ATP9A: variants seen among roughly 807,000 people sequenced by gnomAD.
ATP9A encodes the protein ATPase phospholipid transporting 9A.
A neutral mutation model predicts 144.1 loss-of-function variants in ATP9A; 52 were observed. That is an observed-to-expected ratio of 0.36 (90% CI 0.29 to 0.45). ATP9A has a LOEUF of 0.45. Among genes scored for constraint, ATP9A ranks in the 20% least tolerant of loss-of-function variants. The pLI, the probability that ATP9A is intolerant of heterozygous loss-of-function variation, is 1.00. For synonymous variants in ATP9A, 582 were observed against 557.4 expected (o/e 1.04, Z -0.62); for missense variants, 947 against 1,392.7 (o/e 0.68, Z 5.09).
At chr20:51,668,686 G>A (rs763405422) in intron 13 of ATP9A, among the ~76,000 whole-genome samples, 10 of 152,144 alleles carry the variant, frequency 6.6e-5, no homozygotes, top group Non-Finnish European at 1.3e-4. Flanking sequence ...TTTGAAAAAG[G>A]TCCATGGATC....
chr20:51,711,852 A>ATTTTTTTTTT (rs11469394), intron 4 of ATP9A, among the ~76,000 whole-genome samples: 1 of 120,922 alleles, frequency 8.3e-6, no homozygotes, highest in African/African-American at 3.1e-5. Context: ...TTCAATTTCA[A>ATTTTTTTTTT]TTTTTTTTTT....
chr20:51,645,979 A>G (rs925516768), intron 14 of ATP9A, among the ~76,000 whole-genome samples: 1 of 152,186 alleles, frequency 6.6e-6, no homozygotes, highest in Non-Finnish European at 1.5e-5. Flanking sequence ...AGAAAACACA[A>G]CCTCGTTAAG....
At chr20:51,644,652 CCAATA>C (rs1348786185) in intron 14 of ATP9A, among the ~76,000 whole-genome samples, 1 of 151,934 alleles carries the variant, frequency 6.6e-6, no homozygotes, top group Non-Finnish European at 1.5e-5. Context: ...AATAAACATC[CCAATA>C]CAATTCAAAT....
chr20:51,694,014 C>A lies in ATP9A; in HGVS notation c.636G>T (p.Thr212=). 1.9e-6 allele frequency: 3 copies of A among 1,613,060 alleles called. No individual in the cohort carries two copies. Among genetic ancestry groups the A allele is most frequent in the South Asian group, 1.1e-5 (1 of 90,990 alleles). The stretch of plus-strand genomic sequence containing the variant: ...TGCAGGGAAAGCTACTCACGGCGGC[C>A]GTGGGGAGCCTCTGCGTGCAGGCCA... ...LPVACTQRLP[T]AADLLQIRSY... Residue 212 remains threonine (T), a synonymous_variant, in exon 7 of 28, where the codon ACG becomes ACT. Transcript: ENST00000338821.
intron 14 of ATP9A, among the ~76,000 whole-genome samples, chr20:51,646,796 G>C (rs753238818): frequency 7.2e-5 from 11 of 151,998 alleles, no homozygotes; most frequent in Admixed American, 1.3e-4. Flanking sequence ...AGCCTGCTAG[G>C]AATCAGCGGA....
chr20:51,767,238 G>A (rs2077908770), intron 1 of ATP9A, among the ~76,000 whole-genome samples: 1 of 152,076 alleles, frequency 6.6e-6, no homozygotes, highest in South Asian at 2.1e-4. Flanking sequence ...GAGCAGAGCG[G>A]CCGCAGGCCC....
chr20:51,683,367 C>T (rs2077508638), intron 9 of ATP9A, among the ~76,000 whole-genome samples: 4 of 151,934 alleles, frequency 2.6e-5, no homozygotes, highest in Admixed American at 2.6e-4. Context: ...CAGGTTCAAA[C>T]GATTCTCCTG....
intron 13 of ATP9A, among the ~76,000 whole-genome samples, chr20:51,663,652 G>C (rs758152636): frequency 2.2e-4 from 33 of 152,098 alleles, no homozygotes; most frequent in Non-Finnish European, 4.3e-4. Context: ...AAATTAGCTG[G>C]GCATGGTGGT....
intron 2 of ATP9A, 111 bp downstream of exon 2, chr20:51,729,723 C>T (rs1024908907): frequency 4.4e-5 from 55 of 1,240,912 alleles, no homozygotes; most frequent in Non-Finnish European, 5.6e-5. Flanking sequence ...CCAGCCTGGG[C>T]GACAGAGTAA....
At chr20:51,718,746 C>A (rs1601124536) in intron 3 of ATP9A, among the ~76,000 whole-genome samples, 1 of 134,946 alleles carries the variant, frequency 7.4e-6, no homozygotes, top group Admixed American at 8.5e-5. Context: ...GCCTGGGAAG[C>A]GGAGGTTGCA....
chr20:51,744,039 A>T (rs556275969), intron 1 of ATP9A, among the ~76,000 whole-genome samples: 9 of 152,124 alleles, frequency 5.9e-5, no homozygotes, highest in Non-Finnish European at 1.3e-4. Context: ...CAGATGAAAA[A>T]GGAAAATATG....
At chr20:51,615,377 G>A (rs1220675165) in intron 22 of ATP9A, among the ~76,000 whole-genome samples, 1 of 152,150 alleles carries the variant, frequency 6.6e-6, no homozygotes, top group Non-Finnish European at 1.5e-5. Flanking sequence ...TGATGGCTCT[G>A]TATGCTCTCA....
intron 18 of ATP9A, among the ~76,000 whole-genome samples, chr20:51,622,582 A>C (rs753357302): frequency 1.6e-4 from 24 of 152,200 alleles, no homozygotes; most frequent in Non-Finnish European, 4.4e-5. Flanking sequence ...TGGACTTTCT[A>C]TGTAGTTGGA....
rs118139980 is a variant in ATP9A at position 51,759,014 on chromosome 20, T to C, written c.68+9288A>G. Among the ~76,000 whole-genome samples the C allele has an allele frequency of 3.1e-3, 476 of 152,220 alleles. 2 individuals carry two copies. The highest frequency in any genetic ancestry group is 6.8e-3 in the Middle Eastern group (2 of 294). On this transcript the variant is annotated intron_variant, in intron 1 of 27. Coordinates refer to ENST00000338821, the MANE Select transcript of ATP9A (RefSeq NM_006045.3). The stretch of plus-strand genomic sequence containing the variant: ...CCATCCTTCAGAGTCCCTCTGTGGG[T>C]TTGCAACAACACATCTTCTGGTCTC...
At chr20:51,621,848 T>C (rs139834107) in intron 19 of ATP9A, among the ~76,000 whole-genome samples, 25 of 152,250 alleles carry the variant, frequency 1.6e-4, no homozygotes, top group African/African-American at 5.1e-4. Flanking sequence ...AGCATGGCAT[T>C]AGCACAGGGC....
At position 51,689,156 on chromosome 20, in the gene ATP9A, G is replaced by A. The variant is rs8121108; in HGVS notation, c.724-17C>T. 1,738 of 1,612,822 alleles carry A rather than the reference G, an allele frequency of 1.1e-3. 11 individuals carry two copies. In the African/African-American group the frequency reaches 0.019, roughly 17 times the overall value. On this transcript the variant is annotated splice_polypyrimidine_tract_variant and intron_variant, in intron 8 of 27. Coordinates refer to ENST00000338821, the MANE Select transcript of ATP9A (RefSeq NM_006045.3). ...GCTGTCTTCCTGGAAAAGACCAAAC[G>A]GACACACGTTCACCCCCCAAAGCTT...
Position 51,627,697 on chromosome 20 carries a change from C to G in ATP9A, c.1762-14G>C, listed in dbSNP as rs200707407. 2.5e-6 allele frequency: 4 copies of G among 1,612,972 alleles called. No individual in the cohort carries two copies. The East Asian group carries it at 8.9e-5, about 36-fold the overall frequency. On this transcript the variant is annotated splice_polypyrimidine_tract_variant and intron_variant, in intron 16 of 27. Transcript: ENST00000338821. ...CATGTTGCCACACTGAAAAATAGAC[C>G]ACGGTCGAGTGGGAGCGGTGCTGAG...
At chr20:51,710,302 T>TA (rs11480539) in intron 4 of ATP9A, among the ~76,000 whole-genome samples, 43,259 of 150,934 alleles carry the variant, frequency 0.29, 6,275 homozygotes, top group East Asian at 0.45. Context: ...AAACTCCGTC[T>TA]AAAAAAAAAG....
At chr20:51,656,881 A>T (rs1427570090) in intron 14 of ATP9A, 57 bp downstream of exon 14, 1 of 1,523,980 alleles carries the variant, frequency 6.6e-7, no homozygotes. Context: ...GCCTAATTCC[A>T]GCACAGAGAA....
Sources: allele counts gnomAD v4.1 joint callset (sites outside exome capture counted in the v4.1 genomes callset), GRCh38; gene constraint gnomAD v4.1.1; transcripts MANE v1.5; gene names NCBI Gene and HGNC (gene_info 2026-07-23, HGNC 2026-07-21).